The following CEMIP variants were observed in gnomAD, a reference collection of about 807,000 sequenced individuals.
The protein encoded by CEMIP is cell migration-inducing and hyaluronan-binding protein.
In CEMIP, 105 loss-of-function variants were observed where a neutral mutation model predicts 156.9. The ratio of observed to expected loss-of-function variants is 0.67; its 90% CI spans 0.57 to 0.79. The LOEUF (loss-of-function observed/expected upper bound fraction) is 0.79. Ranked by LOEUF, CEMIP falls within the 30% of genes least tolerant of loss-of-function variation. The pLI is 0.00. For synonymous variants in CEMIP, 676 were observed against 668.4 expected (o/e 1.01, Z -0.17); for missense variants, 1,457 against 1,769.4 (o/e 0.82, Z 3.17).
At chr15:80,793,900 C>T (rs1026301093) in intron 1 of CEMIP, among the ~76,000 whole-genome samples, 5 of 152,318 alleles carry the variant, frequency 3.3e-5, no homozygotes, top group African/African-American at 4.8e-5. Context: ...TGGGCATCCC[C>T]GCCAGAAATT....
rs1596210136 is a variant in CEMIP, at chr15:80,941,886, G to A, written c.3445G>A (p.Glu1149Lys). 1.9e-6 allele frequency: 3 copies of A among 1,613,956 alleles called. No homozygotes were observed. Among genetic ancestry groups the A allele is most frequent in the Non-Finnish European group, 2.5e-6 (3 of 1,180,038 alleles). ...GAAGCTGAAAGCTCAGAACGAGAGAGAGAAGTTTGCTTTCTGCTCCATGAA... is the reference window on the plus strand; with the variant it reads ...GAAGCTGAAAGCTCAGAACGAGAGAAAGAAGTTTGCTTTCTGCTCCATGAA... ...FLKLKAQNER[E>K]KFAFCSMKGC... The change falls in exon 26 of 30, where the codon GAG becomes AAG. Residue 1149 changes from glutamate (E) to lysine (K), a missense_variant. Glu to Lys is a moderately conservative substitution (Grantham distance 56, BLOSUM62 1). Coordinates refer to ENST00000394685, the MANE Select transcript of CEMIP (RefSeq NM_001293298.2).
intron 12 of CEMIP, among the ~76,000 whole-genome samples, chr15:80,900,608 GTGTGT>G (rs2141872795): frequency 7.2e-6 from 1 of 139,236 alleles, no homozygotes; most frequent in South Asian, 2.3e-4. Context: ...GTGTGTGTGT[GTGTGT>G]GTGTGTGTGT....
chr15:80,834,525 T>G (rs1421772453), intron 1 of CEMIP, among the ~76,000 whole-genome samples: 3 of 152,248 alleles, frequency 2.0e-5, no homozygotes, highest in Non-Finnish European at 2.9e-5. Context: ...CAACTTTTAT[T>G]GAAAACATTA....
chr15:80,905,770 A>G (rs1321087389), intron 12 of CEMIP, among the ~76,000 whole-genome samples: 1 of 152,202 alleles, frequency 6.6e-6, no homozygotes, highest in Non-Finnish European at 1.5e-5. Flanking sequence ...TGAAATCACT[A>G]GTGGAGGGAG....
rs143280178 is a variant in CEMIP, at chr15:80,875,546, C to T, written c.94+1573C>T. On this transcript the variant is annotated intron_variant, in intron 3 of 29. Coordinates refer to ENST00000394685, the MANE Select transcript of CEMIP (RefSeq NM_001293298.2). ...GGTACTTCCCTTGATTATTTCTTCC[C>T]GCATCCTGGCACCTCTCTTGCTGTT... 7.2e-5 allele frequency among the ~76,000 whole-genome samples: 11 copies of T among 152,202 alleles called. No individual in the cohort carries two copies. In the East Asian group the frequency reaches 1.7e-3, roughly 24 times the overall value.
At chr15:80,834,145 G>T (rs1324151658) in intron 1 of CEMIP, among the ~76,000 whole-genome samples, 1 of 152,144 alleles carries the variant, frequency 6.6e-6, no homozygotes, top group Non-Finnish European at 1.5e-5. Flanking sequence ...TCCTGAGGGG[G>T]TTGGAAAAAG....
chr15:80,801,678 A>G (rs990852215), intron 1 of CEMIP, among the ~76,000 whole-genome samples: 9 of 152,162 alleles, frequency 5.9e-5, no homozygotes, highest in African/African-American at 2.2e-4. Flanking sequence ...GGAATGGTTG[A>G]TTGATTTTTG....
At position 80,933,309 on chromosome 15, in the gene CEMIP, A is replaced by G; in HGVS notation, c.2858A>G (p.Asp953Gly). The change falls in exon 23 of 30, where the codon GAT becomes GGT. Residue 953 changes from aspartate (D) to glycine (G), a missense_variant. Around this residue, in one of 5 missense-constraint regions of CEMIP, gnomAD observed 798 missense variants for 980.1 expected, o/e 0.81. Coordinates refer to ENST00000394685, the MANE Select transcript of CEMIP (RefSeq NM_001293298.2). ...PWFNQLDMDGDKTSVFHDVDG... is the reference protein window; with the variant it reads ...PWFNQLDMDGGKTSVFHDVDG... Reference sequence around the variant, plus strand: ...TTCAACCAGCTGGACATGGATGGGGATAAGACATCTGTGTTCCATGACGTC... The same window carrying G: ...TTCAACCAGCTGGACATGGATGGGGGTAAGACATCTGTGTTCCATGACGTC... The G allele has an allele frequency of 6.2e-7, 1 of 1,614,170 alleles. No homozygotes were observed. The highest frequency in any genetic ancestry group is 8.5e-7 in the Non-Finnish European group (1 of 1,180,026).
intron 1 of CEMIP, among the ~76,000 whole-genome samples, chr15:80,811,647 C>T (rs573522561): frequency 7.7e-4 from 117 of 152,326 alleles, no homozygotes; most frequent in African/African-American, 2.4e-3. Flanking sequence ...TTCTGCCTCC[C>T]GGAGTCAAAC....
chr15:80,926,935 A>G (rs1900706648), intron 19 of CEMIP, among the ~76,000 whole-genome samples: 1 of 151,528 alleles, frequency 6.6e-6, no homozygotes, highest in Non-Finnish European at 1.5e-5. Context: ...GGTTCAAGCA[A>G]TTCTCCTGCC....
chr15:80,879,576 A>G, intron 4 of CEMIP, 140 bp from the exon 5 acceptor site: 1 of 983,020 alleles, frequency 1.0e-6, no homozygotes, highest in Non-Finnish European at 1.6e-6. Flanking sequence ...AAGTACACCA[A>G]GCATAGGAAT....
rs371806883 is a variant in CEMIP at position 80,908,203 on chromosome 15, C to T, written c.1588-894C>T. Reference sequence around the variant, plus strand: ...TGATACTAAAGCAGAAATAGCAGGTCTATGTCACACAAGCTGCTATAGCCC... The same window carrying T: ...TGATACTAAAGCAGAAATAGCAGGTTTATGTCACACAAGCTGCTATAGCCC... On this transcript the variant is annotated intron_variant, in intron 13 of 29. Transcript: ENST00000394685. Among the ~76,000 whole-genome samples, 8 of 152,162 alleles carry T rather than the reference C, an allele frequency of 5.3e-5. No individual in the cohort carries two copies. In the East Asian group the frequency reaches 1.3e-3, roughly 26 times the overall value.
intron 17 of CEMIP, among the ~76,000 whole-genome samples, chr15:80,923,563 G>A (rs1179936896): frequency 6.6e-6 from 1 of 152,166 alleles, no homozygotes; most frequent in Non-Finnish European, 1.5e-5. Flanking sequence ...CATGGGTGCA[G>A]GTGGGGATGG....
chr15:80,873,662 C>T lies in CEMIP; in HGVS notation c.-51C>T. The T allele has an allele frequency of 1.7e-6, 1 of 574,048 alleles. No individual in the cohort carries two copies. Among genetic ancestry groups the T allele is most frequent in the Non-Finnish European group, 3.2e-6 (1 of 316,048 alleles). 35.6% of individuals were successfully genotyped at this position (574,048 alleles called of 1,614,324 possible). ...GTAGGATTTTCATGCCCCGATCTGC[C>T]TGGCCTTGAGTTGTGGCAGCTGGGG... On this transcript the variant is annotated 5_prime_UTR_variant, in exon 2 of 30. Transcript: ENST00000394685.
intron 26 of CEMIP, 53 bp from the exon 27 acceptor site, chr15:80,942,198 G>A (rs1273550895): frequency 1.3e-6 from 2 of 1,525,620 alleles, no homozygotes; most frequent in Non-Finnish European, 9.1e-7. Context: ...GGGAAGAGGA[G>A]GGGAATGACT....
chr15:80,924,725 GAC>G lies in CEMIP; in HGVS notation c.2288+23_2288+24del, dbSNP rs781227109. 5.4e-5 allele frequency: 87 copies of G among 1,610,544 alleles called. No individual in the cohort carries two copies. The highest frequency in any genetic ancestry group is 6.8e-5 in the Non-Finnish European group (80 of 1,176,954). On this transcript the variant is annotated intron_variant, in intron 18 of 29. Coordinates refer to ENST00000394685, the MANE Select transcript of CEMIP (RefSeq NM_001293298.2). ...CTGCCAGGTAATCAGCCATTGGGAAGACACAGTCCACGGTGACCTTGCAGTCC... is the reference window on the plus strand; with the variant it reads ...CTGCCAGGTAATCAGCCATTGGGAAGACAGTCCACGGTGACCTTGCAGTCC...
intron 1 of CEMIP, among the ~76,000 whole-genome samples, chr15:80,781,142 T>C (rs764613382): frequency 2.0e-5 from 3 of 152,174 alleles, no homozygotes; most frequent in Non-Finnish European, 4.4e-5. Flanking sequence ...CCAGACATAA[T>C]TAGGGATCCA....
chr15:80,889,677 G>A, intron 10 of CEMIP, 85 bp downstream of exon 10: 1 of 1,562,790 alleles, frequency 6.4e-7, no homozygotes, highest in Non-Finnish European at 8.7e-7. Flanking sequence ...TTGTCACTTG[G>A]GTGCTGTGAT....
chr15:80,879,559 T>C (rs1281329623), intron 4 of CEMIP, among the ~76,000 whole-genome samples, 157 bp from the exon 5 acceptor site: 4 of 152,178 alleles, frequency 2.6e-5, no homozygotes, highest in Non-Finnish European at 4.4e-5. Context: ...GGGATGACTT[T>C]ACTTGTAAGT....
Sources: gnomAD v4.1 joint callset for allele counts (sites outside exome capture counted in the v4.1 genomes callset) on GRCh38, gnomAD v4.1.1 for gene constraint, gnomAD v4.1.1 regional missense constraint, MANE v1.5 for transcripts, NCBI Gene and HGNC (gene_info 2026-07-23, HGNC 2026-07-21) for gene names.